The following PATJ variants were observed in gnomAD, a reference collection of about 807,000 sequenced individuals.
The protein encoded by PATJ is inaD-like protein.
In PATJ, 190 loss-of-function variants were observed where a neutral mutation model predicts 224.9. That is an observed-to-expected ratio of 0.84 (90% CI 0.75 to 0.95). The LOEUF (loss-of-function observed/expected upper bound fraction) is 0.95. Among genes scored for constraint, PATJ ranks in the 40% least tolerant of loss-of-function variants. The pLI is 0.00. For missense variants in PATJ, 2,121 were observed against 2,270.3 expected, an observed-to-expected ratio of 0.93 and a Z score of 1.34; for synonymous variants, 769 against 820.3, an observed-to-expected ratio of 0.94 and a Z score of 1.07.
At chr1:61,925,982 A>G (rs1205263100) in intron 26 of PATJ, among the ~76,000 whole-genome samples, 2 of 152,244 alleles carry the variant, frequency 1.3e-5, no homozygotes, top group Non-Finnish European at 2.9e-5. Flanking sequence ...TTAATATGCA[A>G]TGACATTGAA....
rs1013324084 is a variant in PATJ, at chr1:62,043,727, G to GC, written c.4032+5678_4032+5679insC. Among the ~76,000 whole-genome samples the GC allele has an allele frequency of 7.4e-5, 5 of 67,424 alleles. No homozygotes were observed. In the South Asian group the frequency reaches 2.6e-3, roughly 34 times the overall value. The allele number at this position is 67,424 out of a possible 152,430, so 44.2% of individuals were successfully genotyped here. A position where few individuals can be genotyped will look rare whatever the true frequency, so the allele number is the denominator to read the frequency against. On this transcript the variant is annotated intron_variant, in intron 30 of 43. Transcript: ENST00000642238. ...GGGTTTTTTTGTTTGGTTTTGGTTT[G>GC]GGGGGGGCAGTTATTTTTTGAAACA...
chr1:61,959,219 C>CT (rs1466927975), intron 27 of PATJ, among the ~76,000 whole-genome samples: 1 of 151,808 alleles, frequency 6.6e-6, no homozygotes, highest in Non-Finnish European at 1.5e-5. Context: ...TATAGTATAA[C>CT]TTTTTTGAAA....
At chr1:62,148,207 G>T in intron 41 of PATJ, 77 bp from the exon 42 acceptor site, 2 of 886,046 alleles carry the variant, frequency 2.3e-6, no homozygotes, top group South Asian at 2.7e-5. Flanking sequence ...ATTGAGAACT[G>T]ACCCTTGGAT....
intron 24 of PATJ, among the ~76,000 whole-genome samples, chr1:61,904,087 T>G (rs1671556909): frequency 6.6e-6 from 1 of 152,170 alleles, no homozygotes; most frequent in African/African-American, 2.4e-5. Context: ...ACTTTGCTTT[T>G]TTCATTCCTT....
At chr1:62,015,509 C>T (rs1646721353) in intron 28 of PATJ, among the ~76,000 whole-genome samples, 2 of 151,946 alleles carry the variant, frequency 1.3e-5, no homozygotes, top group Non-Finnish European at 2.9e-5. Context: ...GTGTGGAAAT[C>T]GGTGCTTTCT....
At chr1:61,823,305 T>C (rs1657632792) in intron 15 of PATJ, among the ~76,000 whole-genome samples, 1 of 152,240 alleles carries the variant, frequency 6.6e-6, no homozygotes, top group Non-Finnish European at 1.5e-5. Context: ...TTTAAATGAA[T>C]GACTAGGAAA....
intron 20 of PATJ, among the ~76,000 whole-genome samples, chr1:61,872,612 T>C (rs1335552852): frequency 6.6e-6 from 1 of 152,222 alleles, no homozygotes; most frequent in Non-Finnish European, 1.5e-5. Context: ...CGAAACTCAT[T>C]GTGCAGCCTT....
chr1:61,981,467 C>T (rs900539812), intron 27 of PATJ, among the ~76,000 whole-genome samples: 5 of 151,834 alleles, frequency 3.3e-5, no homozygotes, highest in Non-Finnish European at 7.4e-5. Context: ...ACCCTTATAA[C>T]AAAAAGATTA....
intron 8 of PATJ, among the ~76,000 whole-genome samples, chr1:61,790,779 G>T (rs1557650274): frequency 6.6e-6 from 1 of 151,858 alleles, no homozygotes; most frequent in Non-Finnish European, 1.5e-5. Context: ...CTCCCAAAGT[G>T]CTGGGATTAG....
intron 41 of PATJ, among the ~76,000 whole-genome samples, chr1:62,131,872 ATT>A (rs11313790): frequency 9.5e-4 from 139 of 146,478 alleles, no homozygotes; most frequent in African/African-American, 1.0e-3. Context: ...ATGAATTATT[ATT>A]TTTTTTTTTT....
At chr1:61,956,999 G>A (rs529446414) in intron 27 of PATJ, among the ~76,000 whole-genome samples, 6 of 152,186 alleles carry the variant, frequency 3.9e-5, no homozygotes, top group East Asian at 1.9e-4. Context: ...TGTTTCTTTC[G>A]CTTTGCATTT....
intron 17 of PATJ, among the ~76,000 whole-genome samples, chr1:61,849,500 G>A (rs2148877572): frequency 6.6e-6 from 1 of 152,310 alleles, no homozygotes; most frequent in Middle Eastern, 3.4e-3. Context: ...GGCTGAGGTG[G>A]GAGGAGCACT....
chr1:61,754,663 T>G (rs1286697), intron 1 of PATJ, among the ~76,000 whole-genome samples: 3 of 151,544 alleles, frequency 2.0e-5, no homozygotes, highest in Non-Finnish European at 2.9e-5. Context: ...TGCCTGGCCT[T>G]ATATACTCGT....
chr1:62,048,265 G>A (rs1479228310), intron 30 of PATJ, among the ~76,000 whole-genome samples: 1 of 152,092 alleles, frequency 6.6e-6, no homozygotes, highest in Non-Finnish European at 1.5e-5. Flanking sequence ...AGAAAGAAAA[G>A]GCCGGGCGTG....
chr1:61,758,223 C>T (rs1394057490), intron 1 of PATJ, among the ~76,000 whole-genome samples: 2 of 152,170 alleles, frequency 1.3e-5, no homozygotes, highest in Non-Finnish European at 2.9e-5. Flanking sequence ...AGCCAGCAGG[C>T]ACAGCTTCCA....
At chr1:61,766,545 C>T in intron 4 of PATJ, 72 bp downstream of exon 4, 1 of 1,053,154 alleles carries the variant, frequency 9.5e-7, no homozygotes, top group Non-Finnish European at 1.4e-6. Context: ...GGAGCTTATA[C>T]TCATTCTTTT....
chr1:61,770,702 G>A lies in PATJ; in HGVS notation c.525-729G>A, dbSNP rs540278179. On this transcript the variant is annotated intron_variant, in intron 5 of 43. Transcript: ENST00000642238. The stretch of plus-strand genomic sequence containing the variant: ...CATGGCTGTAATCCCAGCACTTTGG[G>A]AGTTCAAGATCAGCCTGGGTAACAT... Among the ~76,000 whole-genome samples, 86 of 152,180 alleles carry A rather than the reference G, an allele frequency of 5.7e-4. No individual in the cohort carries two copies. The Middle Eastern group carries it at 0.01, about 18-fold the overall frequency.
At chr1:61,983,480 G>A (rs1375121821) in intron 27 of PATJ, among the ~76,000 whole-genome samples, 1 of 152,060 alleles carries the variant, frequency 6.6e-6, no homozygotes, top group Non-Finnish European at 1.5e-5. Flanking sequence ...TTTGAATACA[G>A]CTCTAAAGAG....
chr1:62,071,727 C>T (rs1438617805), intron 31 of PATJ, among the ~76,000 whole-genome samples: 3 of 152,060 alleles, frequency 2.0e-5, no homozygotes, highest in Admixed American at 6.6e-5. Context: ...GGTGATCCAC[C>T]GCCCCCACCT....
Sources: allele counts gnomAD v4.1 joint callset (sites outside exome capture counted in the v4.1 genomes callset), GRCh38; gene constraint gnomAD v4.1.1; transcripts MANE v1.5; gene names NCBI Gene and HGNC (gene_info 2026-07-23, HGNC 2026-07-21).